The following KCNT2 variants were observed in gnomAD, a reference collection of about 807,000 sequenced individuals.
The protein encoded by KCNT2 is potassium channel subfamily T member 2.
In KCNT2, 67 loss-of-function variants were observed where a neutral mutation model predicts 153.8. The ratio of observed to expected loss-of-function variants is 0.44; its 90% CI spans 0.36 to 0.53. The LOEUF is 0.53. Ranked by LOEUF, KCNT2 falls within the 20% of genes least tolerant of loss-of-function variation. The probability of loss-of-function intolerance (pLI) is 0.00; values close to 1 mark genes in which losing one functional copy is unlikely to be tolerated. For synonymous variants in KCNT2, 500 were observed against 458.8 expected, an observed-to-expected ratio of 1.09 and a Z score of -1.15; for missense variants, 975 against 1,354.8, an observed-to-expected ratio of 0.72 and a Z score of 4.40.
intron 8 of KCNT2, among the ~76,000 whole-genome samples, chr1:196,464,200 G>A (rs1055279671): frequency 6.6e-6 from 1 of 151,728 alleles, no homozygotes; most frequent in Admixed American, 6.6e-5. Flanking sequence ...TGCAATGAGT[G>A]TTTCATATTA....
At chr1:196,460,081 G>T (rs1171704889) in intron 8 of KCNT2, among the ~76,000 whole-genome samples, 1 of 151,614 alleles carries the variant, frequency 6.6e-6, no homozygotes, top group Non-Finnish European at 1.5e-5. Flanking sequence ...CTAAAAAAAA[G>T]CAAAAAAGGG....
chr1:196,335,069 C>A lies in KCNT2; in HGVS notation c.1784-1009G>T, dbSNP rs192075164. ...GAAATGTAAAAATTAATTTTAATAT[C>A]TATTTATGAAAAATTGAGGTTCCTC... On this transcript the variant is annotated intron_variant, in intron 16 of 27. Coordinates refer to ENST00000294725, the MANE Select transcript of KCNT2 (RefSeq NM_198503.5). 2.0e-5 allele frequency among the ~76,000 whole-genome samples: 3 copies of A among 152,202 alleles called. No individual in the cohort carries two copies. The East Asian group carries it at 5.8e-4, about 29-fold the overall frequency.
At chr1:196,281,641 A>G (rs563035260) in intron 24 of KCNT2, among the ~76,000 whole-genome samples, 12 of 152,294 alleles carry the variant, frequency 7.9e-5, no homozygotes, top group Admixed American at 7.2e-4. Context: ...GCATACTTGG[A>G]CAAAGTATAC....
At position 196,520,782 on chromosome 1, in the gene KCNT2, T is replaced by C. The variant is rs12131964; in HGVS notation, c.96-28441A>G. On this transcript the variant is annotated intron_variant, in intron 1 of 27. Transcript: ENST00000294725. ...GAAACTGGACACATTTCTTACACCA[T>C]ATGCAAAAATCAACTCAAGATGGAT... Among the ~76,000 whole-genome samples the C allele has an allele frequency of 3.7e-3, 562 of 152,196 alleles. 4 individuals carry two copies. Among genetic ancestry groups the C allele is most frequent in the African/African-American group, 0.013 (535 of 41,528 alleles).
At chr1:196,348,468 A>G (rs1216420672) in intron 14 of KCNT2, among the ~76,000 whole-genome samples, 1 of 152,088 alleles carries the variant, frequency 6.6e-6, no homozygotes, top group East Asian at 1.9e-4. Context: ...CTTGAGGTAC[A>G]CTCCAACCTC....
In KCNT2 at chr1:196,234,279, C is replaced by A. The variant is rs1053947465; in HGVS notation, c.3296+1707G>T. The stretch of plus-strand genomic sequence containing the variant: ...ATATCATCTCTTTTTTTTTTACTAC[C>A]CAACAGCCCCTCTTTCCTGCCTGGA... On this transcript the variant is annotated intron_variant, in intron 27 of 27. Transcript: ENST00000294725. 1.6e-4 allele frequency among the ~76,000 whole-genome samples: 24 copies of A among 150,960 alleles called. No homozygotes were observed. The Middle Eastern group carries it at 0.014, about 86-fold the overall frequency.
chr1:196,464,510 A>C (rs1677435184), intron 8 of KCNT2, among the ~76,000 whole-genome samples: 1 of 151,882 alleles, frequency 6.6e-6, no homozygotes, highest in Non-Finnish European at 1.5e-5. Context: ...GTACTAGTGT[A>C]TGTGTGCATT....
intron 1 of KCNT2, among the ~76,000 whole-genome samples, chr1:196,570,100 T>TAAAAAAAAAAAAAAAAAAAAAAAAAAAA (rs1553256605): frequency 3.9e-5 from 5 of 129,538 alleles, no homozygotes; most frequent in African/African-American, 2.0e-4. Flanking sequence ...AAAAAAAAAT[T>TAAAAAAAAAAAAAAAAAAAAAAAAAAAA]AAAGGCCTTT....
chr1:196,411,449 A>T (rs1185947699), intron 12 of KCNT2, among the ~76,000 whole-genome samples: 1 of 100,868 alleles, frequency 9.9e-6, no homozygotes, highest in Non-Finnish European at 2.2e-5. Context: ...TTCCAGTTAA[A>T]AAAAAAAAAA....
intron 1 of KCNT2, among the ~76,000 whole-genome samples, chr1:196,576,670 C>T (rs1330746614): frequency 6.6e-6 from 1 of 151,938 alleles, no homozygotes; most frequent in Non-Finnish European, 1.5e-5. Flanking sequence ...TTCTTCTCAT[C>T]TGTACAAACT....
intron 13 of KCNT2, among the ~76,000 whole-genome samples, chr1:196,392,509 G>A (rs1206761374): frequency 6.6e-6 from 1 of 151,440 alleles, no homozygotes; most frequent in Non-Finnish European, 1.5e-5. Context: ...TATGGGAAAT[G>A]AAGAAATCAT....
intron 26 of KCNT2, among the ~76,000 whole-genome samples, chr1:196,252,121 C>G (rs1656029611): frequency 6.6e-6 from 1 of 151,646 alleles, no homozygotes. Context: ...TTTATTATCT[C>G]TTCCTTCTTT....
chr1:196,329,826 T>C (rs935119248), intron 18 of KCNT2, among the ~76,000 whole-genome samples: 7 of 146,760 alleles, frequency 4.8e-5, no homozygotes, highest in South Asian at 2.1e-4. Flanking sequence ...GGTATATATA[T>C]GTATATATGT....
intron 12 of KCNT2, among the ~76,000 whole-genome samples, chr1:196,417,484 G>A (rs1436394265): frequency 1.3e-5 from 2 of 152,032 alleles, no homozygotes; most frequent in African/African-American, 2.4e-5. Flanking sequence ...CCACTCCGCA[G>A]AGGCAGTCCC....
At chr1:196,379,989 C>T (rs1411430695) in intron 13 of KCNT2, among the ~76,000 whole-genome samples, 1 of 152,182 alleles carries the variant, frequency 6.6e-6, no homozygotes, top group Non-Finnish European at 1.5e-5. Context: ...AATAAACTAT[C>T]TTGAAACAAA....
At chr1:196,304,207 C>T (rs1474036546) in intron 22 of KCNT2, among the ~76,000 whole-genome samples, 1 of 152,106 alleles carries the variant, frequency 6.6e-6, no homozygotes, top group South Asian at 2.1e-4. Flanking sequence ...CAGACACAAC[C>T]TTACTCAACA....
chr1:196,512,472 C>G (rs1227646832), intron 1 of KCNT2, among the ~76,000 whole-genome samples: 1 of 152,152 alleles, frequency 6.6e-6, no homozygotes, highest in African/African-American at 2.4e-5. Context: ...CTGAAACCTC[C>G]TTTCCATGTT....
In KCNT2 at chr1:196,492,325, A is replaced by G; in HGVS notation, c.112T>C (p.Tyr38His). Residue 38 changes from tyrosine to histidine, a missense_variant, in exon 2 of 28, where the codon TAT becomes CAT. Physicochemically the swap from Tyr to His is moderately conservative, Grantham distance 83. Around this residue, in one of 6 missense-constraint regions of KCNT2, gnomAD observed 140 missense variants for 216.0 expected, o/e 0.65. Coordinates refer to ENST00000294725, the MANE Select transcript of KCNT2 (RefSeq NM_198503.5). ...TCTTTAAATGTATTTTCATTCATATAGAATTCAACTTGTACCCTGCAAACA... is the reference window on the plus strand; with the variant it reads ...TCTTTAAATGTATTTTCATTCATATGGAATTCAACTTGTACCCTGCAAACA... ...QNDDRVQVEF[Y>H]MNENTFKERL... 7.0e-7 allele frequency: 1 copy of G among 1,431,230 alleles called. No homozygotes were observed. The highest frequency in any genetic ancestry group is 9.4e-7 in the Non-Finnish European group (1 of 1,067,394). The allele number at this position is 1,431,230 out of a possible 1,614,324, so 88.7% of individuals were successfully genotyped here.
intron 20 of KCNT2, among the ~76,000 whole-genome samples, chr1:196,318,341 T>A (rs1662940838): frequency 6.6e-6 from 1 of 151,756 alleles, no homozygotes; most frequent in Admixed American, 6.6e-5. Flanking sequence ...TGAACATAAC[T>A]GTCCCCAGAC....
Sources: gnomAD v4.1 joint callset for allele counts (sites outside exome capture counted in the v4.1 genomes callset) on GRCh38, gnomAD v4.1.1 for gene constraint, gnomAD v4.1.1 regional missense constraint, MANE v1.5 for transcripts, NCBI Gene and HGNC (gene_info 2026-07-23, HGNC 2026-07-21) for gene names.